OSBPL10: variants seen among roughly 807,000 people sequenced by gnomAD.
OSBPL10 encodes the protein oxysterol-binding protein-related protein 10.
A neutral mutation model predicts 81.7 loss-of-function variants in OSBPL10; 49 were observed. The observed-to-expected ratio is 0.60, with a 90% CI of 0.48 to 0.76. OSBPL10 has a LOEUF of 0.76. OSBPL10 is among the 30% of genes least tolerant of loss of function. The pLI, the probability that OSBPL10 is intolerant of heterozygous loss-of-function variation, is 0.00. For missense variants in OSBPL10, 923 were observed against 987.8 expected (o/e 0.93, Z 0.88); for synonymous variants, 419 against 383.6 (o/e 1.09, Z -1.08).
intron 7 of OSBPL10, among the ~76,000 whole-genome samples, chr3:31,698,516 T>C (rs1025494461): frequency 1.3e-5 from 2 of 151,824 alleles, no homozygotes; most frequent in African/African-American, 4.8e-5. Context: ...CTCAAAACCC[T>C]CCAATGGCCA....
At chr3:31,835,056 T>A (rs1178232470) in intron 3 of OSBPL10, among the ~76,000 whole-genome samples, 1 of 152,220 alleles carries the variant, frequency 6.6e-6, no homozygotes, top group African/African-American at 2.4e-5. Flanking sequence ...AGCCTCATTA[T>A]AGGGGAATGG....
At chr3:32,022,472 T>C (rs1343003016) in intron 2 of OSBPL10, among the ~76,000 whole-genome samples, 7 of 152,092 alleles carry the variant, frequency 4.6e-5, no homozygotes, top group Non-Finnish European at 7.4e-5. Context: ...GGCCCATAGG[T>C]CATAGGTGGA....
At chr3:31,881,685 T>G (rs917401772) in intron 1 of OSBPL10, among the ~76,000 whole-genome samples, 3 of 152,182 alleles carry the variant, frequency 2.0e-5, no homozygotes, top group Non-Finnish European at 4.4e-5. Flanking sequence ...TTCTTTCAAT[T>G]GATATTATTT....
At chr3:31,833,746 C>G (rs1339970336) in intron 3 of OSBPL10, among the ~76,000 whole-genome samples, 4 of 151,784 alleles carry the variant, frequency 2.6e-5, no homozygotes, top group Non-Finnish European at 5.9e-5. Context: ...CACTCTCTCT[C>G]TCTTCTAATT....
intron 3 of OSBPL10, among the ~76,000 whole-genome samples, chr3:31,861,166 G>C (rs143520518): frequency 6.6e-6 from 1 of 151,996 alleles, no homozygotes; most frequent in Non-Finnish European, 1.5e-5. Context: ...GTTTATTTTT[G>C]ATTTTCATTG....
intron 4 of OSBPL10, chr3:31,796,024 C>T (rs948273250): frequency 2.1e-5 from 4 of 194,082 alleles, no homozygotes; most frequent in Non-Finnish European, 3.5e-5. Context: ...GCCTTATGAG[C>T]GCACTGAATG....
At chr3:31,872,970 A>G (rs1170592350) in intron 3 of OSBPL10, among the ~76,000 whole-genome samples, 4 of 152,184 alleles carry the variant, frequency 2.6e-5, no homozygotes, top group African/African-American at 9.7e-5. Flanking sequence ...GAAAGGCCAT[A>G]TAATTCTACC....
intron 4 of OSBPL10, among the ~76,000 whole-genome samples, chr3:31,779,182 C>A (rs1464894224): frequency 6.6e-6 from 1 of 152,138 alleles, no homozygotes; most frequent in Non-Finnish European, 1.5e-5. Flanking sequence ...ATTCAGACAA[C>A]AACTAGCACG....
chr3:32,013,798 C>T (rs1559549375), intron 2 of OSBPL10, among the ~76,000 whole-genome samples: 2 of 152,192 alleles, frequency 1.3e-5, no homozygotes, highest in Non-Finnish European at 2.9e-5. Flanking sequence ...AAACTACCAT[C>T]AGAGAATACT....
Position 32,065,438 on chromosome 3 carries a change from C to T in OSBPL10, n.185+11958G>A, listed in dbSNP as rs562678682. 5 of 92,688 alleles carry T rather than the reference C, an allele frequency of 5.4e-5. 1 individual carries two copies. The South Asian group carries it at 1.2e-3, about 23-fold the overall frequency. 5.7% of individuals were successfully genotyped at this position (92,688 alleles called of 1,614,324 possible). On this transcript the variant is annotated intron_variant and non_coding_transcript_variant, in intron 1 of 3. Coordinates refer to the OSBPL10 transcript ENST00000479173. ...ACTCCAGAAGACAGTTTTTCTTGCT[C>T]CTGTCATTGGGCTGACAAAGACTCT...
At chr3:31,913,013 C>T (rs1696634086) in intron 1 of OSBPL10, among the ~76,000 whole-genome samples, 1 of 152,176 alleles carries the variant, frequency 6.6e-6, no homozygotes, top group Non-Finnish European at 1.5e-5. Context: ...TACACACACA[C>T]ATATACCCAC....
At chr3:31,853,490 T>C (rs1005877181) in intron 3 of OSBPL10, among the ~76,000 whole-genome samples, 5 of 152,066 alleles carry the variant, frequency 3.3e-5, no homozygotes, top group African/African-American at 1.2e-4. Context: ...AGGTCAATGC[T>C]GGGCAGAAAG....
intron 3 of OSBPL10, among the ~76,000 whole-genome samples, chr3:31,852,525 T>C (rs1189245305): frequency 3.3e-5 from 5 of 152,176 alleles, no homozygotes; most frequent in Non-Finnish European, 5.9e-5. Flanking sequence ...AAAACACATT[T>C]TTGTGACATT....
rs1024184903 is a variant in OSBPL10 at position 31,835,196 on chromosome 3, GAAA to G, written c.538-4968_538-4966del. 1.3e-4 allele frequency among the ~76,000 whole-genome samples: 20 copies of G among 151,680 alleles called. No individual in the cohort carries two copies. In the East Asian group the frequency reaches 3.7e-3, roughly 28 times the overall value. Reference sequence around the variant, plus strand: ...TTACTAAAAAACCACTTGCTTCGGAGAAAAAAAATGCTCTTAAAATATGATTTC... The same window carrying G: ...TTACTAAAAAACCACTTGCTTCGGAGAAAAATGCTCTTAAAATATGATTTC... On this transcript the variant is annotated intron_variant, in intron 3 of 11. Coordinates refer to ENST00000396556, the MANE Select transcript of OSBPL10 (RefSeq NM_017784.5).
intron 2 of OSBPL10, among the ~76,000 whole-genome samples, chr3:32,043,707 A>G (rs913981053): frequency 1.1e-4 from 16 of 152,230 alleles, no homozygotes; most frequent in Non-Finnish European, 8.8e-5. Context: ...TAGGAACTCA[A>G]AAATAATTTG....
intron 4 of OSBPL10, among the ~76,000 whole-genome samples, chr3:31,766,930 A>G (rs1407408955): frequency 6.6e-6 from 1 of 152,072 alleles, no homozygotes; most frequent in Non-Finnish European, 1.5e-5. Flanking sequence ...TCTTTCTTTC[A>G]TTTGCAGTAC....
At chr3:32,028,972 A>ACG (rs1201056159) in intron 2 of OSBPL10, among the ~76,000 whole-genome samples, 4 of 149,172 alleles carry the variant, frequency 2.7e-5, no homozygotes, top group African/African-American at 5.1e-5. Flanking sequence ...ACACACACAC[A>ACG]CACACACACA....
At chr3:32,049,200 T>C (rs1699650270) in intron 1 of OSBPL10, among the ~76,000 whole-genome samples, 1 of 152,208 alleles carries the variant, frequency 6.6e-6, no homozygotes, top group South Asian at 2.1e-4. Flanking sequence ...ATTACTTTAT[T>C]CCTTTACTTT....
intron 4 of OSBPL10, among the ~76,000 whole-genome samples, chr3:31,799,954 C>A (rs1460883357): frequency 6.6e-6 from 1 of 152,186 alleles, no homozygotes; most frequent in Non-Finnish European, 1.5e-5. Context: ...ATGATCCGCC[C>A]ACCTTGGCCT....
Sources: gnomAD v4.1 joint callset for allele counts (sites outside exome capture counted in the v4.1 genomes callset) on GRCh38, gnomAD v4.1.1 for gene constraint, MANE v1.5 for transcripts, NCBI Gene and HGNC (gene_info 2026-07-23, HGNC 2026-07-21) for gene names.